SLC43A3: variants seen among roughly 807,000 people sequenced by gnomAD.
SLC43A3 encodes the protein equilibrative nucleobase transporter 1.
A neutral mutation model predicts 53.3 loss-of-function variants in SLC43A3; 33 were observed. The ratio of observed to expected loss-of-function variants is 0.62; its 90% CI spans 0.47 to 0.83. The LOEUF (loss-of-function observed/expected upper bound fraction) is 0.83, where lower values mean the gene tolerates loss of function less well. Ranked by LOEUF, SLC43A3 falls within the 40% of genes least tolerant of loss-of-function variation. The pLI, the probability that SLC43A3 is intolerant of heterozygous loss-of-function variation, is 0.00. For missense variants in SLC43A3, 530 were observed against 610.0 expected (o/e 0.87, Z 1.38); for synonymous variants, 236 against 246.2 (o/e 0.96, Z 0.39).
At position 57,417,767 on chromosome 11, in the gene SLC43A3, G is replaced by T; in HGVS notation, c.652C>A (p.Pro218Thr). ...MPRGHIPYPL[P>T]PNYSYGLCPG... ...CCTTACCCATAGCTGTAGTTGGGGG[G>T]CAGTGGGTATGGGATGTGCCCCCGG... The change falls in exon 8 of 14, where the codon CCC (proline) becomes ACC (threonine). Residue 218 changes from proline (P) to threonine (T), a missense_variant. Physicochemically the swap from Pro to Thr is conservative, Grantham distance 38. Coordinates refer to ENST00000395124, the MANE Select transcript of SLC43A3 (RefSeq NM_199329.3). The T allele has an allele frequency of 3.1e-6, 5 of 1,614,186 alleles. 1 individual carries two copies. The Middle Eastern group carries it at 6.6e-4, about 213-fold the overall frequency.
Position 57,409,794 on chromosome 11 carries a change from C to G in SLC43A3, c.1247+141G>C, listed in dbSNP as rs1942367366. The G allele has an allele frequency of 1.1e-5, 8 of 722,860 alleles. No homozygotes were observed. The East Asian group carries it at 2.2e-4, about 20-fold the overall frequency. 44.8% of individuals were successfully genotyped at this position (722,860 alleles called of 1,614,324 possible). A position where few individuals can be genotyped will look rare whatever the true frequency, so the allele number is the denominator to read the frequency against. On this transcript the variant is annotated intron_variant, in intron 12 of 13. Transcript: ENST00000395124. Reference sequence around the variant, plus strand: ...ATCCTTCCCACCACCTCTGGTCTCACCCCCTCCACACCTGCCCCCAAACCC... The same window carrying G: ...ATCCTTCCCACCACCTCTGGTCTCAGCCCCTCCACACCTGCCCCCAAACCC...
At position 57,415,046 on chromosome 11, in the gene SLC43A3, C is replaced by T. The variant is rs139270446; in HGVS notation, c.830G>A (p.Arg277Gln). 23 of 1,614,018 alleles carry T rather than the reference C, an allele frequency of 1.4e-5. No individual in the cohort carries two copies. Among genetic ancestry groups the T allele is most frequent in the Middle Eastern group, 1.6e-4 (1 of 6,084 alleles). ...LRSFWSYAFS[R>Q]RFAWHLVWLS... ...CCACACCAGGTGCCAGGCAAAGCGC[C>T]GAGAGAAAGCGTAGCTCCAGAAGGA... The change falls in exon 10 of 14, where the codon CGG (arginine) becomes CAG (glutamine). Residue 277 changes from arginine to glutamine, a missense_variant. Coordinates refer to ENST00000395124, the MANE Select transcript of SLC43A3 (RefSeq NM_199329.3).
In SLC43A3 at chr11:57,415,114, G is replaced by A. The variant is rs751405591; in HGVS notation, c.770-8C>T. On this transcript the variant is annotated splice_polypyrimidine_tract_variant and splice_region_variant and intron_variant, in intron 9 of 13. Coordinates refer to ENST00000395124, the MANE Select transcript of SLC43A3 (RefSeq NM_199329.3). ...GCCCTGCCCCTGGGGTCTCTAATGG[G>A]GAGAGGAGGATCTGGGCGTGAATTA... The A allele has an allele frequency of 9.4e-6, 15 of 1,602,284 alleles. No individual in the cohort carries two copies. The highest frequency in any genetic ancestry group is 1.3e-5 in the Non-Finnish European group (15 of 1,173,868).
chr11:57,409,973 G>A lies in SLC43A3; in HGVS notation c.1209C>T (p.Ser403=). Reference sequence around the variant, plus strand: ...AGGCCGCGTTGCTCCCATAGAGGAAGGAGCGGCTGATCACTTGCAGGATGA... The same window carrying A: ...AGGCCGCGTTGCTCCCATAGAGGAAAGAGCGGCTGATCACTTGCAGGATGA... The part of the protein sequence containing the change: ...LTFILQVISR[S]FLYGSNAAFL... The change falls in exon 12 of 14, where the codon TCC becomes TCT. Residue 403 remains serine (S), a synonymous_variant. Coordinates refer to ENST00000395124, the MANE Select transcript of SLC43A3 (RefSeq NM_199329.3). 1 of 1,613,236 alleles carries A rather than the reference G, an allele frequency of 6.2e-7. No homozygotes were observed. The highest frequency in any genetic ancestry group is 8.5e-7 in the Non-Finnish European group (1 of 1,179,738).
chr11:57,425,443 T>C (rs1016190256), intron 4 of SLC43A3, 98 bp downstream of exon 4: 3 of 1,305,876 alleles, frequency 2.3e-6, no homozygotes, highest in Non-Finnish European at 3.2e-6. Flanking sequence ...CCTGGCAGGG[T>C]GGCCGGGCTG....
intron 5 of SLC43A3, among the ~76,000 whole-genome samples, chr11:57,422,567 A>G (rs1482137893): frequency 6.6e-6 from 1 of 152,246 alleles, no homozygotes. Flanking sequence ...GAGTATTCAC[A>G]CAGTTTACCA....
Position 57,407,692 on chromosome 11 carries a change from T to TG in SLC43A3, c.*99_*100insC, listed in dbSNP as rs1472187502. The TG allele has an allele frequency of 4.4e-6, 3 of 679,814 alleles. No individual in the cohort carries two copies. Among genetic ancestry groups the TG allele is most frequent in the South Asian group, 1.7e-5 (1 of 57,312 alleles). The allele number at this position is 679,814 out of a possible 1,614,324, so 42.1% of individuals were successfully genotyped here. On this transcript the variant is annotated 3_prime_UTR_variant, in exon 14 of 14. Coordinates refer to ENST00000395124, the MANE Select transcript of SLC43A3 (RefSeq NM_199329.3). The stretch of plus-strand genomic sequence containing the variant: ...GTGTGTGTGTGTGTGTGTGTGTGTG[T>TG]TTTGCTGGGATAGGCAAAGTCTTTT...
In SLC43A3 at chr11:57,415,169, T is replaced by A. The variant is rs932765329; in HGVS notation, c.770-63A>T. On this transcript the variant is annotated intron_variant, in intron 9 of 13. Transcript: ENST00000395124. ...GAAAGTGGACAGGTAGGATGGGGAG[T>A]GTGGAGGCTTCAATGGAACATTTCA... 15 of 1,580,934 alleles carry A rather than the reference T, an allele frequency of 9.5e-6. No individual in the cohort carries two copies. The East Asian group carries it at 2.9e-4, about 31-fold the overall frequency.
Position 57,414,636 on chromosome 11 carries a change from G to C in SLC43A3, c.1039C>G (p.Gln347Glu). The change falls in exon 11 of 14, where the codon CAG becomes GAG. Residue 347 changes from glutamine (Q) to glutamate (E), a missense_variant. Transcript: ENST00000395124. Reference protein sequence around the residue: ...LLMDRLKQKYQKEARKTGSST... With the variant: ...LLMDRLKQKYEKEARKTGSST... ...TCACCTGTCTTTCTTGCTTCCTTCT[G>C]GTACTTCTGTTTAAGCCGGTCCATG... 4 of 1,612,838 alleles carry C rather than the reference G, an allele frequency of 2.5e-6. No individual in the cohort carries two copies. Among genetic ancestry groups the C allele is most frequent in the Non-Finnish European group, 3.4e-6 (4 of 1,178,994 alleles).
At chr11:57,412,560 C>A (rs918074016) in intron 11 of SLC43A3, among the ~76,000 whole-genome samples, 2 of 152,068 alleles carry the variant, frequency 1.3e-5, no homozygotes, top group African/African-American at 2.4e-5. Context: ...TGGCTGTAAT[C>A]CCAGAACTTT....
chr11:57,423,709 A>C, intron 5 of SLC43A3: 1 of 354,978 alleles, frequency 2.8e-6, no homozygotes, highest in Non-Finnish European at 5.3e-6. Flanking sequence ...GGATTACAGG[A>C]GTGAGCCACT....
chr11:57,411,785 A>G (rs1157092795), intron 11 of SLC43A3, among the ~76,000 whole-genome samples: 1 of 152,180 alleles, frequency 6.6e-6, no homozygotes, highest in East Asian at 1.9e-4. Flanking sequence ...AACAGTATTT[A>G]GCAATTGTAT....
rs1565097100 is a variant in SLC43A3 at position 57,414,978 on chromosome 11, GA to G, written c.897del (p.Leu300SerfsTer5). 6.2e-7 allele frequency: 1 copy of G among 1,613,918 alleles called. No individual in the cohort carries two copies. Reference protein sequence around the residue: ...IQLWHYLFIGTLNSLLTNMAG... With the variant: ...IQLWHYLFIGXLNSLLTNMAG... ...GCCATGTTGGTCAGCAAGGAGTTGA[GA>G]GTGCCAATGAAGAGGTAGTGCCACA... On this transcript the variant is annotated frameshift_variant, in exon 10 of 14. Transcript: ENST00000395124. LOFTEE classifies it high-confidence loss of function.
intron 5 of SLC43A3, among the ~76,000 whole-genome samples, chr11:57,423,139 T>C (rs1325561625): frequency 6.6e-6 from 1 of 152,214 alleles, no homozygotes. Context: ...GCTTTCTCTG[T>C]GGCCATGGAC....
At chr11:57,417,727 C>T in intron 8 of SLC43A3, 21 bp downstream of exon 8, 1 of 1,613,722 alleles carries the variant, frequency 6.2e-7, no homozygotes, top group East Asian at 2.2e-5. Context: ...CTCTGGCCCA[C>T]AATCACCAGA....
At chr11:57,416,130 T>C (rs528930214) in intron 9 of SLC43A3, among the ~76,000 whole-genome samples, 22 of 152,276 alleles carry the variant, frequency 1.4e-4, no homozygotes, top group Middle Eastern at 3.4e-3. Context: ...ATTTCTACTG[T>C]AGCTAGCTGC....
In SLC43A3 at chr11:57,426,159, C is replaced by G. The variant is rs1180448523; in HGVS notation, c.14G>C (p.Gly5Ala). MAGQGLPLHVATLLT... is the reference protein window; with the variant it reads MAGQALPLHVATLLT... ...CAGTGTGGCCACGTGCAGGGGCAGG[C>G]CCTGGCCCGCCATGAGCAGAAGTGG... Residue 5 changes from glycine to alanine, a missense_variant, in exon 3 of 14, where the codon GGC becomes GCC. Gly to Ala is a moderately conservative substitution (Grantham distance 60). Coordinates refer to ENST00000395124, the MANE Select transcript of SLC43A3 (RefSeq NM_199329.3). The G allele has an allele frequency of 6.2e-7, 1 of 1,613,734 alleles. No homozygotes were observed. The highest frequency in any genetic ancestry group is 1.1e-5 in the South Asian group (1 of 91,076).
chr11:57,424,573 C>T (rs1409354009), intron 4 of SLC43A3, among the ~76,000 whole-genome samples: 2 of 151,638 alleles, frequency 1.3e-5, no homozygotes, highest in African/African-American at 4.9e-5. Flanking sequence ...CCAAGGTTAT[C>T]AGGCTCCCTT....
At position 57,407,872 on chromosome 11, in the gene SLC43A3, T is replaced by C. The variant is rs1481421012; in HGVS notation, c.1396A>G (p.Ile466Val). 6.2e-7 allele frequency: 1 copy of C among 1,613,324 alleles called. No homozygotes were observed. Among genetic ancestry groups the C allele is most frequent in the Non-Finnish European group, 8.5e-7 (1 of 1,179,282 alleles). ...AAGGGGTGGAAGAATGTCAGAAGAATGGCAAGCATGAACATCACATTCACC... is the reference window on the plus strand; with the variant it reads ...AAGGGGTGGAAGAATGTCAGAAGAACGGCAAGCATGAACATCACATTCACC... ...FYVNVMFMLA[I>V]LLTFFHPFLV... The change falls in exon 14 of 14, where the codon ATT becomes GTT. Residue 466 changes from isoleucine to valine, a missense_variant. Around this residue, in one of 3 missense-constraint regions of SLC43A3, gnomAD observed 124 missense variants for 166.4 expected, o/e 0.75. Coordinates refer to ENST00000395124, the MANE Select transcript of SLC43A3 (RefSeq NM_199329.3).
Sources: gnomAD v4.1 joint callset for allele counts (sites outside exome capture counted in the v4.1 genomes callset) on GRCh38, gnomAD v4.1.1 for gene constraint, gnomAD v4.1.1 regional missense constraint, MANE v1.5 for transcripts, NCBI Gene and HGNC (gene_info 2026-07-23, HGNC 2026-07-21) for gene names.